ZMYM2: variants seen among roughly 807,000 people sequenced by gnomAD.
ZMYM2 encodes zinc finger MYM-type containing 2, also known as zinc finger MYM-type protein 2.
Under a neutral mutation model 162.8 loss-of-function variants are expected in ZMYM2, and 56 were observed. The observed-to-expected ratio is 0.34, with a 90% CI of 0.28 to 0.43. The LOEUF (loss-of-function observed/expected upper bound fraction) is 0.43. ZMYM2 is among the 20% of genes least tolerant of loss of function. ZMYM2 has a pLI of 1.00. For synonymous variants in ZMYM2, 510 were observed against 541.6 expected (o/e 0.94, Z 0.81); for missense variants, 1,275 against 1,621.8 (o/e 0.79, Z 3.67).
At chr13:20,058,757 A>T (rs1326259044) in intron 15 of ZMYM2, 53 bp downstream of exon 15, 1 of 1,593,078 alleles carries the variant, frequency 6.3e-7, no homozygotes, top group East Asian at 2.2e-5. Context: ...ATCTCACCTA[A>T]TGAAATACAT....
intron 12 of ZMYM2, among the ~76,000 whole-genome samples, chr13:20,039,912 A>G (rs559298750): frequency 2.6e-5 from 4 of 152,314 alleles, no homozygotes; most frequent in African/African-American, 7.2e-5. Flanking sequence ...TATTGAACCA[A>G]ACTTGCCATC....
chr13:19,922,486 G>A, the ZMYM2 span, among the ~76,000 whole-genome samples: 1 of 152,268 alleles, frequency 6.6e-6, no homozygotes, highest in South Asian at 2.1e-4. Flanking sequence ...GTCTCTCTGG[G>A]ATTCACATTC....
chr13:20,015,086 C>T (rs1951513866), intron 6 of ZMYM2, among the ~76,000 whole-genome samples: 1 of 152,058 alleles, frequency 6.6e-6, no homozygotes, highest in South Asian at 2.1e-4. Context: ...TTAACATAAG[C>T]ATTTAAAATT....
intron 17 of ZMYM2, among the ~76,000 whole-genome samples, chr13:20,062,040 C>T (rs938577180): frequency 6.6e-6 from 1 of 152,022 alleles, no homozygotes; most frequent in Non-Finnish European, 1.5e-5. Context: ...TATTTTCCAC[C>T]CTTAACCCTC....
the ZMYM2 span, among the ~76,000 whole-genome samples, chr13:19,879,083 GTTTTC>G: frequency 4.6e-5 from 7 of 152,082 alleles, no homozygotes; most frequent in African/African-American, 1.7e-4. Flanking sequence ...TGTAATGAAT[GTTTTC>G]TTTTGTTTTC....
At chr13:19,864,849 C>T in the ZMYM2 span, 1 of 152,230 alleles carries the variant, frequency 6.6e-6, no homozygotes, top group African/African-American at 2.4e-5. Context: ...CTCTTTTGTT[C>T]CTCGTCTACA....
chr13:19,995,777 A>G (rs915161298), intron 3 of ZMYM2, among the ~76,000 whole-genome samples: 3 of 152,138 alleles, frequency 2.0e-5, no homozygotes, highest in East Asian at 3.9e-4. Flanking sequence ...TATGGAAGTG[A>G]TAAGAACTCT....
chr13:19,907,993 T>C, the ZMYM2 span, among the ~76,000 whole-genome samples: 1 of 152,106 alleles, frequency 6.6e-6, no homozygotes, highest in South Asian at 2.1e-4. Flanking sequence ...ATACTTTCTC[T>C]TAAGAATTTT....
In ZMYM2 at chr13:20,081,386, T is replaced by C. The variant is rs149188720; in HGVS notation, c.3454-630T>C. Among the ~76,000 whole-genome samples the C allele has an allele frequency of 7.5e-3, 1,139 of 152,336 alleles. 8 individuals are homozygous for C. Among genetic ancestry groups the C allele is most frequent in the Non-Finnish European group, 0.011 (777 of 68,028 alleles). Reference sequence around the variant, plus strand: ...TCTCTTTAAGCCCCACTAATGTTTATACTTTAAATGATTCTGTAACCACCC... The same window carrying C: ...TCTCTTTAAGCCCCACTAATGTTTACACTTTAAATGATTCTGTAACCACCC... On this transcript the variant is annotated intron_variant, in intron 21 of 24. Coordinates refer to ENST00000610343, the MANE Select transcript of ZMYM2 (RefSeq NM_197968.4).
chr13:19,945,602 G>A, the ZMYM2 span, among the ~76,000 whole-genome samples: 1 of 151,970 alleles, frequency 6.6e-6, no homozygotes, highest in African/African-American at 2.4e-5. Context: ...TAATTTATTG[G>A]TCTACTTAGT....
At position 20,002,952 on chromosome 13, in the gene ZMYM2, C is replaced by T. The variant is rs555116535; in HGVS notation, c.950C>T (p.Pro317Leu). ...TCACTTCCTAAACAGATTTTCCAGC[C>T]GTCTGTCCAACAGCAGCCTACTAAA... is the stretch of plus-strand genomic sequence containing the variant. ...VASLPKQIFQ[P>L]SVQQQPTKPV... The change falls in exon 4 of 25, where the codon CCG becomes CTG. Residue 317 changes from proline (P) to leucine (L), a missense_variant. Physicochemically the swap from Pro to Leu is moderately conservative, Grantham distance 98. Around this residue, in one of 10 missense-constraint regions of ZMYM2, gnomAD observed 115 missense variants for 175.3 expected, o/e 0.66. Transcript: ENST00000610343. The T allele has an allele frequency of 4.2e-5, 67 of 1,613,998 alleles. No homozygotes were observed. The highest frequency in any genetic ancestry group is 5.4e-5 in the Non-Finnish European group (64 of 1,180,034).
chr13:19,970,641 G>A (rs898096030), intron 2 of ZMYM2, among the ~76,000 whole-genome samples: 1 of 148,072 alleles, frequency 6.8e-6, no homozygotes, highest in African/African-American at 2.5e-5. Flanking sequence ...TCTCAGAAAG[G>A]TTATTTGTTA....
At chr13:19,895,175 G>A in the ZMYM2 span, among the ~76,000 whole-genome samples, 15,367 of 151,678 alleles carry the variant, frequency 0.1, 991 homozygotes, top group Middle Eastern at 0.14. Flanking sequence ...TGTGCATGTG[G>A]AGAAACTGGA....
the ZMYM2 span, among the ~76,000 whole-genome samples, chr13:19,945,063 G>A: frequency 6.6e-6 from 1 of 152,078 alleles, no homozygotes; most frequent in South Asian, 2.1e-4. Context: ...ACACCTCTGA[G>A]ACTATTATAA....
At chr13:19,962,503 A>G (rs1460402813) in intron 2 of ZMYM2, among the ~76,000 whole-genome samples, 2 of 59,826 alleles carry the variant, frequency 3.3e-5, no homozygotes, top group South Asian at 1.6e-3. Context: ...TGGGATATAT[A>G]TATATATATA....
At chr13:19,996,455 G>A (rs1349444848) in intron 3 of ZMYM2, among the ~76,000 whole-genome samples, 5 of 152,016 alleles carry the variant, frequency 3.3e-5, no homozygotes, top group Admixed American at 6.6e-5. Context: ...GGCTGGTTGC[G>A]GTGGCTCAAG....
At chr13:20,016,202 G>A (rs1951612609) in intron 6 of ZMYM2, among the ~76,000 whole-genome samples, 1 of 151,792 alleles carries the variant, frequency 6.6e-6, no homozygotes, top group African/African-American at 2.4e-5. Flanking sequence ...CTGTGGGGGA[G>A]GCTTTACATA....
chr13:19,880,970 C>T, the ZMYM2 span, among the ~76,000 whole-genome samples: 1 of 151,812 alleles, frequency 6.6e-6, no homozygotes, highest in Non-Finnish European at 1.5e-5. Flanking sequence ...CTCACTGCAA[C>T]GTCCACCTCC....
chr13:19,886,265 A>C, the ZMYM2 span, among the ~76,000 whole-genome samples: 2 of 148,748 alleles, frequency 1.3e-5, no homozygotes, highest in African/African-American at 5.0e-5. Context: ...CCTGGGTTCA[A>C]GCGATTCTCC....
Sources: gnomAD v4.1 joint callset for allele counts (sites outside exome capture counted in the v4.1 genomes callset) on GRCh38, gnomAD v4.1.1 for gene constraint, gnomAD v4.1.1 regional missense constraint, MANE v1.5 for transcripts, NCBI Gene and HGNC (gene_info 2026-07-23, HGNC 2026-07-21) for gene names.